Variants in SHANK1 observed in about 807,000 individuals in gnomAD.
SHANK1 encodes the protein SH3 and multiple ankyrin repeat domains protein 1.
SHANK1 carries 35 observed loss-of-function variants against 165.6 expected under a neutral mutation model. The observed-to-expected ratio is 0.21, with a 90% CI of 0.16 to 0.28. The LOEUF (loss-of-function observed/expected upper bound fraction) is 0.28, where lower values mean the gene tolerates loss of function less well. Ranked by LOEUF, SHANK1 falls within the 10% of genes least tolerant of loss-of-function variation. The probability of loss-of-function intolerance (pLI) is 1.00; values close to 1 mark genes in which losing one functional copy is unlikely to be tolerated. For missense variants in SHANK1, 2,681 were observed against 3,036.4 expected, an observed-to-expected ratio of 0.88 and a Z score of 2.75; for synonymous variants, 1,428 against 1,384.8, an observed-to-expected ratio of 1.03 and a Z score of -0.69.
chr19:50,668,789 C>A lies in SHANK1; in HGVS notation c.3171G>T (p.Pro1057=). 7 of 1,265,826 alleles carry A rather than the reference C, an allele frequency of 5.5e-6. No homozygotes were observed. Among genetic ancestry groups the A allele is most frequent in the Non-Finnish European group, 6.9e-6 (7 of 1,011,350 alleles). The allele number at this position is 1,265,826 out of a possible 1,614,324, so 78.4% of individuals were successfully genotyped here. A position where few individuals can be genotyped will look rare whatever the true frequency, so the allele number is the denominator to read the frequency against. The change falls in exon 23 of 24, where the codon CCG becomes CCT. Residue 1057 remains proline (P), a synonymous_variant. Coordinates refer to ENST00000293441, the MANE Select transcript of SHANK1 (RefSeq NM_016148.5). ...GCGATGGGGACGGGGCCCCCGGGGT[C>A]GGGCTGGGCCCGCCGCCCCTCCAGC... The part of the protein sequence containing the change: ...LRGWRGGGPS[P]TPGAPSPSHH...
At chr19:50,672,573 A>AAAAAAAAAAAAAAAAAAAC (rs1985837182) in intron 21 of SHANK1, among the ~76,000 whole-genome samples, 1 of 151,074 alleles carries the variant, frequency 6.6e-6, no homozygotes, top group Admixed American at 6.6e-5. Context: ...AAAAAAAAAA[A>AAAAAAAAAAAAAAAAAAAC]AAAAAAAGAA....
intron 15 of SHANK1, among the ~76,000 whole-genome samples, chr19:50,696,574 C>G: frequency 6.6e-6 from 1 of 152,102 alleles, no homozygotes; most frequent in African/African-American, 2.4e-5. Context: ...CCCTCCCTCC[C>G]CCACAGCCCT....
chr19:50,698,537 C>A (rs1211354717), intron 12 of SHANK1, among the ~76,000 whole-genome samples: 6 of 151,888 alleles, frequency 4.0e-5, no homozygotes, highest in Admixed American at 2.0e-4. Flanking sequence ...GGCCCCACCG[C>A]TTCCCCATTT....
chr19:50,673,744 A>G (rs920857815), intron 21 of SHANK1, among the ~76,000 whole-genome samples: 3 of 152,330 alleles, frequency 2.0e-5, no homozygotes, highest in Admixed American at 6.5e-5. Context: ...AAGTGAAAGA[A>G]AAAAAGAAAA....
chr19:50,688,749 A>C lies in SHANK1; in HGVS notation c.2172+95T>G. 5 of 1,311,344 alleles carry C rather than the reference A, an allele frequency of 3.8e-6. No individual in the cohort carries two copies. Among genetic ancestry groups the C allele is most frequent in the Non-Finnish European group, 5.2e-6 (5 of 955,054 alleles). The allele number at this position is 1,311,344 out of a possible 1,614,324, so 81.2% of individuals were successfully genotyped here. On this transcript the variant is annotated intron_variant, in intron 17 of 23. Transcript: ENST00000293441. This position sits in a 1 kb window ranked among gnomAD's most constrained non-coding sequence, Gnocchi z 6.7. ...GGGCTGGGAATCCTGGTGCCAAAGG[A>C]GAATAAAACTGGGCAGCCAGATCCT...
chr19:50,673,886 C>T (rs1213839884), intron 21 of SHANK1, among the ~76,000 whole-genome samples: 1 of 151,382 alleles, frequency 6.6e-6, no homozygotes, highest in Non-Finnish European at 1.5e-5. Flanking sequence ...CTTGGCCTCC[C>T]GGGCCCAAGC....
intron 15 of SHANK1, among the ~76,000 whole-genome samples, chr19:50,691,489 A>G (rs1010341439): frequency 2.0e-5 from 3 of 151,602 alleles, no homozygotes; most frequent in East Asian, 1.9e-4. Flanking sequence ...TCAGCCTCAT[A>G]CCCCATACAT....
intron 23 of SHANK1, among the ~76,000 whole-genome samples, chr19:50,664,035 G>A (rs1985382462): frequency 6.9e-6 from 1 of 145,554 alleles, no homozygotes; most frequent in South Asian, 2.2e-4. Context: ...AACCTTCCAG[G>A]CTCAAGTGAT....
chr19:50,694,628 G>A (rs1454076432), intron 15 of SHANK1, among the ~76,000 whole-genome samples: 1 of 133,578 alleles, frequency 7.5e-6, no homozygotes, highest in Non-Finnish European at 1.6e-5. Context: ...TGAGGGGGTG[G>A]AGGAAAAGAT....
At chr19:50,715,879 C>T in intron 3 of SHANK1, 149 bp from the exon 4 acceptor site, 1 of 769,666 alleles carries the variant, frequency 1.3e-6, no homozygotes, top group Non-Finnish European at 2.3e-6. Flanking sequence ...GAACCTTGGT[C>T]TAGGCGGTAG....
At position 50,702,380 on chromosome 19, in the gene SHANK1, C is replaced by T. The variant is rs1298147885; in HGVS notation, c.1747+87G>A. On this transcript the variant is annotated intron_variant, in intron 12 of 23. Transcript: ENST00000293441. The surrounding 1 kb of genome is among the most constrained non-coding windows in gnomAD (Gnocchi z 5.3). ...AGAGTGCATGAGATACTCCAGGTGC[C>T]CGAGAATGGTCTGCTCTCTGCTCCA... The T allele has an allele frequency of 2.4e-6, 3 of 1,232,378 alleles. No individual in the cohort carries two copies. Among genetic ancestry groups the T allele is most frequent in the South Asian group, 1.5e-5 (1 of 66,486 alleles). 76.3% of individuals were successfully genotyped at this position (1,232,378 alleles called of 1,614,324 possible). A position where few individuals can be genotyped will look rare whatever the true frequency, so the allele number is the denominator to read the frequency against.
chr19:50,675,414 T>C (rs918001043), intron 21 of SHANK1, among the ~76,000 whole-genome samples: 2 of 152,204 alleles, frequency 1.3e-5, no homozygotes, highest in Non-Finnish European at 2.9e-5. Flanking sequence ...GAGAGCTCTA[T>C]TGGTTCTAGT....
At chr19:50,687,766 G>A (rs530295796) in intron 18 of SHANK1, 104 bp from the exon 19 acceptor site, 47 of 1,349,876 alleles carry the variant, frequency 3.5e-5, no homozygotes, top group South Asian at 1.9e-4. Context: ...CATTGCCAGC[G>A]TGCGGAGCCC....
intron 21 of SHANK1, among the ~76,000 whole-genome samples, chr19:50,680,176 G>T (rs1260175293): frequency 6.6e-6 from 1 of 152,130 alleles, no homozygotes; most frequent in South Asian, 2.1e-4. Context: ...GAGAGTGAGA[G>T]AGGCGAAGAG....
chr19:50,684,634 AT>A (rs1048456958), intron 21 of SHANK1, among the ~76,000 whole-genome samples: 1 of 152,192 alleles, frequency 6.6e-6, no homozygotes, highest in African/African-American at 2.4e-5. Flanking sequence ...CTATGTCTTC[AT>A]TTTCATCATC....
At chr19:50,714,134 C>A in intron 5 of SHANK1, 48 bp downstream of exon 5, 1 of 1,577,070 alleles carries the variant, frequency 6.3e-7, no homozygotes, top group Non-Finnish European at 8.7e-7. Context: ...CCCTGCTCCC[C>A]AGCTCTGTCC....
chr19:50,664,785 C>T (rs1362155224), intron 23 of SHANK1, among the ~76,000 whole-genome samples: 5 of 152,130 alleles, frequency 3.3e-5, no homozygotes, highest in Non-Finnish European at 7.4e-5. Context: ...GACGGAGTCT[C>T]ACTCTGTCAC....
intron 15 of SHANK1, among the ~76,000 whole-genome samples, chr19:50,695,567 C>T (rs1986713596): frequency 6.6e-6 from 1 of 151,764 alleles, no homozygotes; most frequent in Non-Finnish European, 1.5e-5. Flanking sequence ...AGGTGCAGAG[C>T]TAGAGAGCGC....
In SHANK1 at chr19:50,662,326, C is replaced by A; in HGVS notation, c.6125G>T (p.Gly2042Val). ...LFDIRGSPTG[G>V]AGGSADPFAP... is the part of the protein sequence containing the mutation. ...GAAGGGGTCAGCCGAGCCTCCTGCC[C>A]CTCCAGTTGGGGAGCCACGGATGTC... The change falls in exon 24 of 24, where the codon GGG (glycine) becomes GTG (valine). Residue 2042 changes from glycine to valine, a missense_variant. This residue lies in a region of SHANK1 where 1,713 missense variants were observed against 1,630.2 expected (regional missense o/e 1.05). Coordinates refer to ENST00000293441, the MANE Select transcript of SHANK1 (RefSeq NM_016148.5). This position sits in a 1 kb window ranked among gnomAD's most constrained non-coding sequence, Gnocchi z 7.7. The A allele has an allele frequency of 6.2e-7, 1 of 1,606,994 alleles. No individual in the cohort carries two copies. The highest frequency in any genetic ancestry group is 1.3e-5 in the African/African-American group (1 of 74,886).
Sources: allele counts gnomAD v4.1 joint callset (sites outside exome capture counted in the v4.1 genomes callset), GRCh38; gene constraint gnomAD v4.1.1; regional missense constraint gnomAD v4.1.1; non-coding constraint Gnocchi (gnomAD v3.1); transcripts MANE v1.5; gene names NCBI Gene and HGNC (gene_info 2026-07-23, HGNC 2026-07-21).